RALGDS: variants seen among roughly 807,000 people sequenced by gnomAD.
RALGDS encodes the protein ral guanine nucleotide dissociation stimulator.
A neutral mutation model predicts 99.8 loss-of-function variants in RALGDS; 44 were observed. That is an observed-to-expected ratio of 0.44 (90% CI 0.35 to 0.57). The LOEUF is 0.57. Ranked by LOEUF, RALGDS falls within the 20% of genes least tolerant of loss-of-function variation. The pLI, the probability that RALGDS is intolerant of heterozygous loss-of-function variation, is 0.01. For synonymous variants in RALGDS, 529 were observed against 505.0 expected, an observed-to-expected ratio of 1.05 and a Z score of -0.64; for missense variants, 1,022 against 1,203.1, an observed-to-expected ratio of 0.85 and a Z score of 2.23.
At chr9:133,113,391 T>C (rs1444265171) in intron 1 of RALGDS, among the ~76,000 whole-genome samples, 2 of 152,154 alleles carry the variant, frequency 1.3e-5, no homozygotes, top group African/African-American at 4.8e-5. Context: ...GGAGCCATCC[T>C]GGAAGTCCAC....
At chr9:133,143,786 CAAT>C (rs144862270) in intron 1 of RALGDS, among the ~76,000 whole-genome samples, 18,766 of 123,578 alleles carry the variant, frequency 0.15, 1,474 homozygotes, top group Admixed American at 0.2. Flanking sequence ...ACAACAACAA[CAAT>C]AATAATAATA....
intron 14 of RALGDS, 141 bp downstream of exon 14, chr9:133,102,335 G>A: frequency 1.8e-6 from 2 of 1,102,346 alleles, no homozygotes. Flanking sequence ...AAAGGTGAGG[G>A]GACTCATCCC....
Position 133,098,395 on chromosome 9 carries a change from G to A in RALGDS, c.*192C>T, listed in dbSNP as rs755307676. The A allele has an allele frequency of 4.2e-5, 26 of 626,338 alleles. No homozygotes were observed. The highest frequency in any genetic ancestry group is 5.7e-5 in the South Asian group (3 of 52,534). 38.8% of individuals were successfully genotyped at this position (626,338 alleles called of 1,614,324 possible). On this transcript the variant is annotated 3_prime_UTR_variant, in exon 18 of 18. Transcript: ENST00000372050. The stretch of plus-strand genomic sequence containing the variant: ...GAGAGCAGAAGGCACCTAAGGCAGC[G>A]AGTGGTCCACGGGAGGCCAGGTCAG...
chr9:133,115,041 G>A (rs1164898156), intron 1 of RALGDS, among the ~76,000 whole-genome samples: 1 of 152,194 alleles, frequency 6.6e-6, no homozygotes, highest in Non-Finnish European at 1.5e-5. Flanking sequence ...AGGCCAGCAG[G>A]ATGCCGTGTC....
chr9:133,112,432 C>T (rs1056683755), intron 1 of RALGDS, among the ~76,000 whole-genome samples: 6 of 152,118 alleles, frequency 3.9e-5, no homozygotes, highest in African/African-American at 1.4e-4. Context: ...CAGGACAGAC[C>T]CACCCTCAAG....
At chr9:133,129,019 T>C (rs1447269341) in intron 1 of RALGDS, 9 of 1,269,970 alleles carry the variant, frequency 7.1e-6, no homozygotes, top group African/African-American at 1.5e-5. Flanking sequence ...TCCAAACTCC[T>C]CCAACCAGTT....
At chr9:133,112,713 A>G (rs547989681) in intron 1 of RALGDS, among the ~76,000 whole-genome samples, 69 of 152,268 alleles carry the variant, frequency 4.5e-4, no homozygotes, top group Middle Eastern at 3.4e-3. Context: ...GCAGGAACGC[A>G]CAGCTCCTCT....
rs1830762472 is a variant in RALGDS, at chr9:133,101,666, C to G, written c.2308G>C (p.Ala770Pro). The change falls in exon 16 of 18, where the codon GCT becomes CCT. Residue 770 changes from alanine (A) to proline (P), a missense_variant. This residue lies in a region of RALGDS where 825 missense variants were observed against 994.5 expected (regional missense o/e 0.83). Transcript: ENST00000372050. ...GAGCGCTTGTGGGTGCGTGTGGCAG[C>G]CACGGGCGTGGTGGAGGCTGAGGAG... Reference protein sequence around the residue: ...SSSSASTTPVAATRTHKRSVS... With the variant: ...SSSSASTTPVPATRTHKRSVS... 1 of 1,613,698 alleles carries G rather than the reference C, an allele frequency of 6.2e-7. No homozygotes were observed. The highest frequency in any genetic ancestry group is 8.5e-7 in the Non-Finnish European group (1 of 1,180,000).
chr9:133,104,555 TAATCCCAGC>T, intron 9 of RALGDS: 1 of 562,756 alleles, frequency 1.8e-6, no homozygotes, highest in Non-Finnish European at 3.2e-6. Flanking sequence ...CTCACGCCTG[TAATCCCAGC>T]ATTTTGGAAG....
At position 133,108,759 on chromosome 9, in the gene RALGDS, T is replaced by C. The variant is rs1479088094; in HGVS notation, c.692A>G (p.Asn231Ser). The change falls in exon 5 of 18, where the codon AAC becomes AGC. Residue 231 changes from asparagine (N) to serine (S), a missense_variant. Asn to Ser is a conservative substitution (Grantham distance 46). Coordinates refer to ENST00000372050, the MANE Select transcript of RALGDS (RefSeq NM_006266.4). ...LKQLVAYVQL[N>S]MPGSDLERRA... ...GCGCTCCAGGTCTGAGCCTGGCATG[T>C]TGAGCTGCACGTAGGCCACCAGCTG... 3 of 1,613,668 alleles carry C rather than the reference T, an allele frequency of 1.9e-6. No homozygotes were observed. The highest frequency in any genetic ancestry group is 1.1e-5 in the South Asian group (1 of 91,080).
At chr9:133,135,006 A>C (rs139348129), upstream of RALGDS, among the ~76,000 whole-genome samples, 9 of 152,230 alleles carry the variant, frequency 5.9e-5, no homozygotes, top group African/African-American at 9.6e-5. Context: ...ACTTTTCATA[A>C]AGAGTCAAAG....
chr9:133,133,459 G>A (rs535945097), upstream of RALGDS, among the ~76,000 whole-genome samples: 3 of 152,334 alleles, frequency 2.0e-5, no homozygotes, highest in East Asian at 5.8e-4. Context: ...GGGAGAGCAG[G>A]GTCTTTGTTC....
At chr9:133,102,437 C>T (rs1422230582) in intron 14 of RALGDS, 39 bp downstream of exon 14, 2 of 1,594,600 alleles carry the variant, frequency 1.3e-6, no homozygotes, top group Non-Finnish European at 1.7e-6. Context: ...TTCTGAGCCC[C>T]AAGGCAGCTG....
Position 133,097,799 on chromosome 9 carries a change from A to G in RALGDS, c.*788T>C, listed in dbSNP as rs746495120. 3 of 224,440 alleles carry G rather than the reference A, an allele frequency of 1.3e-5. No homozygotes were observed. The highest frequency in any genetic ancestry group is 5.7e-5 in the Admixed American group (1 of 17,440). 13.9% of individuals were successfully genotyped at this position (224,440 alleles called of 1,614,324 possible). On this transcript the variant is annotated 3_prime_UTR_variant, in exon 18 of 18. Coordinates refer to ENST00000372050, the MANE Select transcript of RALGDS (RefSeq NM_006266.4). Reference sequence around the variant, plus strand: ...AACAAATAAATATTGCCCCTCCCCAATCAGTAAACAAACATTTTTTTTTTC... The same window carrying G: ...AACAAATAAATATTGCCCCTCCCCAGTCAGTAAACAAACATTTTTTTTTTC...
intron 6 of RALGDS, among the ~76,000 whole-genome samples, chr9:133,107,682 T>C (rs1588523626): frequency 6.6e-6 from 1 of 152,214 alleles, no homozygotes; most frequent in Admixed American, 6.5e-5. Context: ...CCTGAACAGA[T>C]GGGGGTGACC....
intron 1 of RALGDS, among the ~76,000 whole-genome samples, chr9:133,113,147 G>A (rs1831432076): frequency 6.6e-6 from 1 of 152,204 alleles, no homozygotes; most frequent in South Asian, 2.1e-4. Context: ...GAGCCGGGGG[G>A]TTAAGGACAT....
At chr9:133,121,364 C>T, upstream of RALGDS, 1 of 369,614 alleles carries the variant, frequency 2.7e-6, no homozygotes, top group Non-Finnish European at 3.7e-6. Context: ...GCGCCCGCGG[C>T]CCCGCCCTCG....
chr9:133,125,646 G>A (rs11244006), upstream of RALGDS, among the ~76,000 whole-genome samples: 5,715 of 152,240 alleles, frequency 0.038, 270 homozygotes, highest in Non-Finnish European at 0.049. Flanking sequence ...TGAGGCAGGA[G>A]AATCGCTTGA....
At position 133,131,033 on chromosome 9, in the gene RALGDS, C is replaced by A. The variant is rs749483418; in HGVS notation, c.51G>T (p.Pro17=). Residue 17 remains proline (P), a synonymous_variant, in exon 1 of 18, where the codon CCG becomes CCT. Coordinates refer to the RALGDS transcript ENST00000372062. ...AGGGCAGGGAGCAGAACAGCAGAGGCGGGGAGGAGAGGGTGTGGGCAGGGG... is the reference window on the plus strand; with the variant it reads ...AGGGCAGGGAGCAGAACAGCAGAGGAGGGGAGGAGAGGGTGTGGGCAGGGG... 8 of 1,533,282 alleles carry A rather than the reference C, an allele frequency of 5.2e-6. No individual in the cohort carries two copies. The Middle Eastern group carries it at 8.3e-4, about 160-fold the overall frequency. The allele number at this position is 1,533,282 out of a possible 1,614,324, so 95.0% of individuals were successfully genotyped here.
Sources: allele counts gnomAD v4.1 joint callset (sites outside exome capture counted in the v4.1 genomes callset), GRCh38; gene constraint gnomAD v4.1.1; regional missense constraint gnomAD v4.1.1; transcripts MANE v1.5; gene names NCBI Gene and HGNC (gene_info 2026-07-23, HGNC 2026-07-21).